The following ZFYVE28 variants were observed in gnomAD, a reference collection of about 807,000 sequenced individuals.
ZFYVE28 encodes the protein lateral signaling target protein 2 homolog.
In ZFYVE28, 40 loss-of-function variants were observed where a neutral mutation model predicts 82.1. The ratio of observed to expected loss-of-function variants is 0.49; its 90% CI spans 0.38 to 0.63. The LOEUF (loss-of-function observed/expected upper bound fraction) is 0.63. Ranked by LOEUF, ZFYVE28 falls within the 30% of genes least tolerant of loss-of-function variation. ZFYVE28 has a pLI of 0.00. For synonymous variants in ZFYVE28, 612 were observed against 546.1 expected, an observed-to-expected ratio of 1.12 and a Z score of -1.68; for missense variants, 1,321 against 1,242.1, an observed-to-expected ratio of 1.06 and a Z score of -0.96.
In ZFYVE28 at chr4:2,332,906, A is replaced by G. The variant is rs574179517; in HGVS notation, c.701+2799T>C. Among the ~76,000 whole-genome samples, 50 of 152,228 alleles carry G rather than the reference A, an allele frequency of 3.3e-4. No individual in the cohort carries two copies. The highest frequency in any genetic ancestry group is 1.2e-3 in the African/African-American group (49 of 41,534). On this transcript the variant is annotated intron_variant, in intron 6 of 12. Coordinates refer to ENST00000290974, the MANE Select transcript of ZFYVE28 (RefSeq NM_020972.3). The surrounding 1 kb of genome is among the most constrained non-coding windows in gnomAD (Gnocchi z 4.7). ...GTATCCACAGCCTGGCTCTGTGGCT[A>G]GATGCCTGCCTCTGTGGGGGCTCAC...
Position 2,305,277 on chromosome 4 carries a change from C to T in ZFYVE28, c.1063G>A (p.Glu355Lys), listed in dbSNP as rs199742967. 10 of 1,613,082 alleles carry T rather than the reference C, an allele frequency of 6.2e-6. No individual in the cohort carries two copies. The highest frequency in any genetic ancestry group is 4.5e-5 in the East Asian group (2 of 44,884). Residue 355 changes from glutamate to lysine, a missense_variant, in exon 8 of 13, where the codon GAG (glutamate) becomes AAG (lysine). Physicochemically the swap from Glu to Lys is moderately conservative, Grantham distance 56 (BLOSUM62 1). Transcript: ENST00000290974. ...GGCGGTGAAAGCAAAGAGGACATCT[C>T]GTCCCCCGCCCTGTGGACCATGCGG... ...LSRMVHRAGD[E>K]MSSLLSPPIA... is the part of the protein sequence containing the mutation.
intron 6 of ZFYVE28, among the ~76,000 whole-genome samples, chr4:2,334,161 C>G (rs546951241): frequency 2.6e-5 from 4 of 152,182 alleles, no homozygotes; most frequent in Non-Finnish European, 4.4e-5. Context: ...GACGCAACCT[C>G]TGCGAGGACA....
chr4:2,341,024 C>T lies in ZFYVE28; in HGVS notation c.318+454G>A, dbSNP rs1399927053. On this transcript the variant is annotated intron_variant, in intron 3 of 12. Transcript: ENST00000290974. This position sits in a 1 kb window ranked among gnomAD's most constrained non-coding sequence, Gnocchi z 4.5. The stretch of plus-strand genomic sequence containing the variant: ...GCCACCTTGAAGGGCACCTTCCTCT[C>T]GGTGCCTCAGTTTCCTGATTGGGAG... Among the ~76,000 whole-genome samples the T allele has an allele frequency of 2.0e-5, 3 of 151,712 alleles. No individual in the cohort carries two copies. Among genetic ancestry groups the T allele is most frequent in the Non-Finnish European group, 2.9e-5 (2 of 67,966 alleles).
chr4:2,335,214 C>A lies in ZFYVE28; in HGVS notation c.701+491G>T, dbSNP rs1283097160. ...CCATCAGCCAGACCAACTGCCCCCA[C>A]CTGCCCTTCAACCCAATGTGCTTCA... On this transcript the variant is annotated intron_variant, in intron 6 of 12. Transcript: ENST00000290974. The surrounding 1 kb of genome is among the most constrained non-coding windows in gnomAD (Gnocchi z 5.8). Among the ~76,000 whole-genome samples, 2 of 152,024 alleles carry A rather than the reference C, an allele frequency of 1.3e-5. No homozygotes were observed. The highest frequency in any genetic ancestry group is 2.9e-5 in the Non-Finnish European group (2 of 68,008).
In ZFYVE28 at chr4:2,339,786, C is replaced by A. The variant is rs1417570540; in HGVS notation, c.319-131G>T. ...CCCACAGCACAGGCCAGCTCGTGTT[C>A]CCGGTCCCCGCAGGAGGTTTTTCTT... On this transcript the variant is annotated intron_variant, in intron 3 of 12. Transcript: ENST00000290974. The surrounding 1 kb of genome is among the most constrained non-coding windows in gnomAD (Gnocchi z 5.0). The A allele has an allele frequency of 1.2e-5, 9 of 772,828 alleles. No individual in the cohort carries two copies. The highest frequency in any genetic ancestry group is 1.8e-5 in the African/African-American group (1 of 57,030). The allele number at this position is 772,828 out of a possible 1,614,324, so 47.9% of individuals were successfully genotyped here. A position where few individuals can be genotyped will look rare whatever the true frequency, so the allele number is the denominator to read the frequency against.
rs557754257 is a variant in ZFYVE28, at chr4:2,401,833, G to A, written c.39+16452C>T. On this transcript the variant is annotated intron_variant, in intron 1 of 12. Transcript: ENST00000290974. ...AACCCTCGGGGGTCCCAGTGGTAGC[G>A]GGGGTCCCGGCCCAAGACCTGGGCT... Among the ~76,000 whole-genome samples the A allele has an allele frequency of 5.3e-5, 8 of 152,282 alleles. No homozygotes were observed. In the East Asian group the frequency reaches 1.4e-3, roughly 26 times the overall value.
chr4:2,370,661 T>C (rs1727443769), intron 1 of ZFYVE28, among the ~76,000 whole-genome samples: 1 of 152,178 alleles, frequency 6.6e-6, no homozygotes, highest in Admixed American at 6.5e-5. Flanking sequence ...ATCCTGGGCA[T>C]CACTGTACCG....
At chr4:2,291,227 G>A (rs1713633141) in intron 8 of ZFYVE28, among the ~76,000 whole-genome samples, 3 of 152,246 alleles carry the variant, frequency 2.0e-5, no homozygotes, top group African/African-American at 7.2e-5. Context: ...CACCGCGGTT[G>A]AAACCCGCTT....
At chr4:2,288,340 C>T (rs1025328188) in intron 8 of ZFYVE28, among the ~76,000 whole-genome samples, 1 of 152,246 alleles carries the variant, frequency 6.6e-6, no homozygotes, top group East Asian at 1.9e-4. Flanking sequence ...AACCTCATCT[C>T]TAATGAGGGC....
rs1735771248 is a variant in ZFYVE28, at chr4:2,269,876, C to A, written c.*849G>T. ...CGCTGGGGCCACTCAGCTGCGGCAG[C>A]TTGGGTCCCAGGCCACTCTGGGGTC... On this transcript the variant is annotated 3_prime_UTR_variant, in exon 13 of 13. Coordinates refer to ENST00000290974, the MANE Select transcript of ZFYVE28 (RefSeq NM_020972.3). The A allele has an allele frequency of 6.6e-6, 1 of 152,190 alleles. No individual in the cohort carries two copies. The allele number at this position is 152,190 out of a possible 1,614,324, so 9.4% of individuals were successfully genotyped here.
intron 1 of ZFYVE28, among the ~76,000 whole-genome samples, chr4:2,369,049 C>G (rs753816526): frequency 2.0e-5 from 3 of 152,198 alleles, no homozygotes; most frequent in Non-Finnish European, 2.9e-5. Flanking sequence ...GGTTTTGACT[C>G]TCATTTTCCC....
Position 2,394,600 on chromosome 4 carries a change from T to C in ZFYVE28, c.39+23685A>G, listed in dbSNP as rs1730225818. ...TGTGTGCACATAAGGTCCTAAAACA[T>C]CAACGCCTCCTTTCTAACAAGGCAC... On this transcript the variant is annotated intron_variant, in intron 1 of 12. Transcript: ENST00000290974. The surrounding 1 kb of genome is among the most constrained non-coding windows in gnomAD (Gnocchi z 4.0). 6.6e-6 allele frequency among the ~76,000 whole-genome samples: 1 copy of C among 152,182 alleles called. No homozygotes were observed. The highest frequency in any genetic ancestry group is 1.5e-5 in the Non-Finnish European group (1 of 68,036).
intron 1 of ZFYVE28, among the ~76,000 whole-genome samples, chr4:2,388,409 G>A (rs200174521): frequency 6.6e-6 from 1 of 152,040 alleles, no homozygotes; most frequent in African/African-American, 2.4e-5. Flanking sequence ...AGCACAACGA[G>A]GGCTCCCACA....
chr4:2,297,520 C>A (rs1411766026), intron 8 of ZFYVE28, among the ~76,000 whole-genome samples: 1 of 152,220 alleles, frequency 6.6e-6, no homozygotes, highest in Non-Finnish European at 1.5e-5. Flanking sequence ...CACTGCAATG[C>A]CTGATGCCAC....
At chr4:2,410,363 C>G (rs59728437) in intron 1 of ZFYVE28, among the ~76,000 whole-genome samples, 6,614 of 151,902 alleles carry the variant, frequency 0.044, 501 homozygotes, top group African/African-American at 0.15. Context: ...TGGAATCATA[C>G]AAGACGCAGC....
chr4:2,390,315 G>A lies in ZFYVE28; in HGVS notation c.39+27970C>T, dbSNP rs187026083. The stretch of plus-strand genomic sequence containing the variant: ...CACCTACATCCTGATTGTGGACTTC[G>A]GGCCTCAGACTCTGCGGGGGTGAAT... On this transcript the variant is annotated intron_variant, in intron 1 of 12. Coordinates refer to ENST00000290974, the MANE Select transcript of ZFYVE28 (RefSeq NM_020972.3). Among the ~76,000 whole-genome samples, 36 of 152,174 alleles carry A rather than the reference G, an allele frequency of 2.4e-4. 1 individual carries two copies. The highest frequency in any genetic ancestry group is 1.8e-4 in the Non-Finnish European group (12 of 68,032).
intron 1 of ZFYVE28, among the ~76,000 whole-genome samples, chr4:2,404,986 C>T (rs1418959761): frequency 2.6e-5 from 4 of 151,910 alleles, no homozygotes; most frequent in South Asian, 2.1e-4. Context: ...CCCCCTTGGC[C>T]ACCCAAAGTA....
chr4:2,334,951 A>G (rs1448439028), intron 6 of ZFYVE28, among the ~76,000 whole-genome samples: 1 of 147,694 alleles, frequency 6.8e-6, no homozygotes, highest in Admixed American at 6.7e-5. Flanking sequence ...GGCATGGGGA[A>G]TCCCCGTCTG....
intron 1 of ZFYVE28, among the ~76,000 whole-genome samples, chr4:2,361,577 G>C (rs1407006014): frequency 6.6e-6 from 1 of 152,144 alleles, no homozygotes; most frequent in Admixed American, 6.5e-5. Flanking sequence ...AGGAGGGCTG[G>C]GGCTCCAAGC....
Sources: allele counts gnomAD v4.1 joint callset (sites outside exome capture counted in the v4.1 genomes callset), GRCh38; gene constraint gnomAD v4.1.1; non-coding constraint Gnocchi (gnomAD v3.1); transcripts MANE v1.5; gene names NCBI Gene and HGNC (gene_info 2026-07-23, HGNC 2026-07-21).